The following PDLIM5 variants were observed in gnomAD, a reference collection of about 807,000 sequenced individuals.
The protein encoded by PDLIM5 is PDZ and LIM domain protein 5.
PDLIM5 carries 34 observed loss-of-function variants against 64.2 expected under a neutral mutation model. The observed-to-expected ratio is 0.53, with a 90% CI of 0.40 to 0.71. The LOEUF (loss-of-function observed/expected upper bound fraction) is 0.71, where lower values mean the gene tolerates loss of function less well. PDLIM5 is among the 30% of genes least tolerant of loss of function. The pLI is 0.00. For missense variants in PDLIM5, 683 were observed against 733.6 expected (o/e 0.93, Z 0.80); for synonymous variants, 253 against 269.1 (o/e 0.94, Z 0.59).
intron 2 of PDLIM5, among the ~76,000 whole-genome samples, chr4:94,507,646 G>GACA (rs1728504932): frequency 6.6e-6 from 1 of 152,182 alleles, no homozygotes; most frequent in Non-Finnish European, 1.5e-5. Flanking sequence ...TGGTAGTACT[G>GACA]ATAATTTTTG....
Position 94,585,593 on chromosome 4 carries a change from T to C in PDLIM5, c.739T>C (p.Tyr247His), listed in dbSNP as rs1343215946. The change falls in exon 6 of 13, where the codon TAT becomes CAT. Residue 247 changes from tyrosine (Y) to histidine (H), a missense_variant. Physicochemically the swap from Tyr to His is moderately conservative, Grantham distance 83. Coordinates refer to ENST00000317968, the MANE Select transcript of PDLIM5 (RefSeq NM_006457.5). ...GPPRKHIVER[Y>H]TEFYHVPTHS... ...ACCAAGAAAACACATTGTGGAGCGC[T>C]ATACAGAGTTTTATCATGTACCCAC... 2 of 1,612,838 alleles carry C rather than the reference T, an allele frequency of 1.2e-6. No individual in the cohort carries two copies. Among genetic ancestry groups the C allele is most frequent in the East Asian group, 2.2e-5 (1 of 44,826 alleles).
chr4:94,570,094 C>T (rs1044647380), intron 3 of PDLIM5, among the ~76,000 whole-genome samples: 1 of 151,766 alleles, frequency 6.6e-6, no homozygotes, highest in African/African-American at 2.4e-5. Flanking sequence ...AATTATAATT[C>T]TTAAAGAAGT....
rs75506475 is a variant in PDLIM5 at position 94,500,552 on chromosome 4, G to T, written c.97-23172G>T. Among the ~76,000 whole-genome samples, 671 of 152,230 alleles carry T rather than the reference G, an allele frequency of 4.4e-3. 3 individuals are homozygous for T. Among genetic ancestry groups the T allele is most frequent in the African/African-American group, 0.015 (633 of 41,538 alleles). Reference sequence around the variant, plus strand: ...AAGAACAAAGAAAGCATGAAAAGGGGCAGAAAAGGTGTTTTGAGAATTCCG... The same window carrying T: ...AAGAACAAAGAAAGCATGAAAAGGGTCAGAAAAGGTGTTTTGAGAATTCCG... On this transcript the variant is annotated intron_variant, in intron 2 of 12. Transcript: ENST00000317968.
chr4:94,457,792 G>C (rs151322405), intron 2 of PDLIM5, among the ~76,000 whole-genome samples: 34 of 152,334 alleles, frequency 2.2e-4, no homozygotes, highest in Non-Finnish European at 4.6e-4. Flanking sequence ...CCCTCCCCTG[G>C]CACAGAAGAA....
At chr4:94,481,540 G>A (rs1392395509) in intron 2 of PDLIM5, among the ~76,000 whole-genome samples, 2 of 151,464 alleles carry the variant, frequency 1.3e-5, no homozygotes, top group Admixed American at 6.6e-5. Flanking sequence ...CCTCGCCTCC[G>A]AAAGTGCTGG....
intron 2 of PDLIM5, among the ~76,000 whole-genome samples, chr4:94,470,832 ACTG>A (rs1479104133): frequency 2.6e-5 from 4 of 152,346 alleles, no homozygotes; most frequent in African/African-American, 9.6e-5. Flanking sequence ...CTGTTCTCAC[ACTG>A]CTAATAACAT....
At chr4:94,502,116 C>T (rs1727983529) in intron 2 of PDLIM5, among the ~76,000 whole-genome samples, 1 of 151,690 alleles carries the variant, frequency 6.6e-6, no homozygotes, top group African/African-American at 2.4e-5. Flanking sequence ...CCTTTTTGGT[C>T]TAGGTGGTTA....
At chr4:94,519,308 A>C (rs1159969421) in intron 2 of PDLIM5, among the ~76,000 whole-genome samples, 1 of 152,174 alleles carries the variant, frequency 6.6e-6, no homozygotes, top group Non-Finnish European at 1.5e-5. Context: ...AATAAACAAT[A>C]ATATTGAGCA....
chr4:94,485,686 A>G (rs963547620), intron 2 of PDLIM5, among the ~76,000 whole-genome samples: 1 of 151,348 alleles, frequency 6.6e-6, no homozygotes, highest in Non-Finnish European at 1.5e-5. Context: ...ACAAAAAAAA[A>G]AACCCCAAAA....
At chr4:94,587,138 T>C in intron 7 of PDLIM5, 1 of 1,545,446 alleles carries the variant, frequency 6.5e-7, no homozygotes, top group Non-Finnish European at 8.7e-7. Context: ...TACTTTTTTT[T>C]TTTCAACTTC....
intron 2 of PDLIM5, among the ~76,000 whole-genome samples, chr4:94,479,160 A>C (rs1017004325): frequency 6.6e-6 from 1 of 151,300 alleles, no homozygotes; most frequent in South Asian, 2.1e-4. Context: ...TCGGCCTTCC[A>C]AAGTGCTGGG....
At chr4:94,502,454 G>C (rs989162379) in intron 2 of PDLIM5, among the ~76,000 whole-genome samples, 9 of 152,198 alleles carry the variant, frequency 5.9e-5, no homozygotes, top group African/African-American at 1.2e-4. Context: ...CACACTGCCT[G>C]GGTTCCAGCC....
chr4:94,618,846 A>G (rs940487696), intron 8 of PDLIM5, among the ~76,000 whole-genome samples: 2 of 152,130 alleles, frequency 1.3e-5, no homozygotes, highest in East Asian at 3.9e-4. Context: ...AACAAAGTTT[A>G]TGATTATGTA....
At chr4:94,456,821 G>T in intron 2 of PDLIM5, 1 of 1,139,880 alleles carries the variant, frequency 8.8e-7, no homozygotes, top group Non-Finnish European at 1.1e-6. Flanking sequence ...CAACAAACTT[G>T]GATATTTATC....
At chr4:94,473,295 T>C (rs1182376364) in intron 2 of PDLIM5, among the ~76,000 whole-genome samples, 1 of 152,190 alleles carries the variant, frequency 6.6e-6, no homozygotes, top group Non-Finnish European at 1.5e-5. Flanking sequence ...GGAGTTTCAC[T>C]CTGTTGCCGA....
At chr4:94,564,600 T>C (rs1734130472) in intron 3 of PDLIM5, among the ~76,000 whole-genome samples, 1 of 151,882 alleles carries the variant, frequency 6.6e-6, no homozygotes, top group African/African-American at 2.4e-5. Context: ...ATATTTTGCT[T>C]GTTAGTCTGC....
chr4:94,642,801 T>TG (rs539385738), intron 9 of PDLIM5, among the ~76,000 whole-genome samples: 27 of 152,190 alleles, frequency 1.8e-4, no homozygotes, highest in Non-Finnish European at 3.4e-4. Context: ...TTAGATCAAG[T>TG]GACATTCTCT....
intron 5 of PDLIM5, among the ~76,000 whole-genome samples, 200 bp downstream of exon 5, chr4:94,576,234 T>G (rs531711251): frequency 6.6e-6 from 1 of 152,176 alleles, no homozygotes; most frequent in Non-Finnish European, 1.5e-5. Flanking sequence ...AAAAGCTACT[T>G]GTGCATTTTG....
intron 9 of PDLIM5, among the ~76,000 whole-genome samples, chr4:94,653,557 C>CT (rs11445839): frequency 0.33 from 49,894 of 151,734 alleles, 8,567 homozygotes; most frequent in East Asian, 0.49. Context: ...AAAAAAATCT[C>CT]TTACAAACAT....
Sources: gnomAD v4.1 joint callset for allele counts (sites outside exome capture counted in the v4.1 genomes callset) on GRCh38, gnomAD v4.1.1 for gene constraint, MANE v1.5 for transcripts, NCBI Gene and HGNC (gene_info 2026-07-23, HGNC 2026-07-21) for gene names.